Variants in PRC1 observed in about 807,000 individuals in gnomAD.
PRC1 encodes the protein protein regulator of cytokinesis 1, also known as anaphase spindle elongation 1 homolog.
PRC1 carries 54 observed loss-of-function variants against 91.2 expected under a neutral mutation model. The ratio of observed to expected loss-of-function variants is 0.59; its 90% CI spans 0.48 to 0.74. PRC1 has a LOEUF of 0.74. PRC1 is among the 30% of genes least tolerant of loss of function. PRC1 has a pLI of 0.00. For missense variants in PRC1, 727 were observed against 746.2 expected (o/e 0.97, Z 0.30); for synonymous variants, 275 against 263.6 (o/e 1.04, Z -0.42).
chr15:90,988,000 A>C (rs2039706878), intron 1 of PRC1: 1 of 152,154 alleles, frequency 6.6e-6, no homozygotes, highest in Non-Finnish European at 1.5e-5. Context: ...AATACTGACA[A>C]ACGTTTAAAA....
intron 8 of PRC1, chr15:90,977,211 T>C (rs2038798088): frequency 6.5e-6 from 1 of 153,370 alleles, no homozygotes; most frequent in South Asian, 2.0e-4. Context: ...TACTGTCTTC[T>C]TTCTAGTCAA....
chr15:90,992,104 A>G (rs2040014608), intron 1 of PRC1, among the ~76,000 whole-genome samples: 1 of 152,216 alleles, frequency 6.6e-6, no homozygotes, highest in Admixed American at 6.5e-5. Flanking sequence ...CCCATGCTGC[A>G]TGGCTTCACC....
chr15:90,989,190 A>G (rs1332166230), intron 1 of PRC1, among the ~76,000 whole-genome samples: 1 of 152,156 alleles, frequency 6.6e-6, no homozygotes. Context: ...ACCCTCAGAC[A>G]CTGCTTGTGG....
rs1179268741 is a variant in PRC1, at chr15:90,971,581, C to CGA, written c.1462-1068_1462-1067insTC. ...ACAGGCTTGAGCCACTGTACCCAGC[C>CGA]AACACTTTTTTTTTTTTTTTTTAAT... On this transcript the variant is annotated intron_variant, in intron 11 of 14. Transcript: ENST00000394249. Among the ~76,000 whole-genome samples the CGA allele has an allele frequency of 4.4e-5, 6 of 136,226 alleles. No homozygotes were observed. The South Asian group carries it at 1.5e-3, about 35-fold the overall frequency. The allele number at this position is 136,226 out of a possible 152,430, so 89.4% of individuals were successfully genotyped here.
Position 90,989,412 on chromosome 15 carries a change from ATTT to A in PRC1, c.12-4590_12-4588del, listed in dbSNP as rs58512103. On this transcript the variant is annotated intron_variant, in intron 1 of 14. Transcript: ENST00000394249. ...ATAGACGTGCCATCGTGCTTGGCTA[ATTT>A]TTTTTTTTTTTTTTTTTTTTAAGGT... Among the ~76,000 whole-genome samples the A allele has an allele frequency of 3.9e-3, 462 of 118,456 alleles. 4 individuals are homozygous for A. The highest frequency in any genetic ancestry group is 0.014 in the African/African-American group (440 of 31,516). 77.7% of individuals were successfully genotyped at this position (118,456 alleles called of 152,430 possible). A position where few individuals can be genotyped will look rare whatever the true frequency, so the allele number is the denominator to read the frequency against.
chr15:90,976,698 T>A lies in PRC1; in HGVS notation c.1181A>T (p.Lys394Met). 6.2e-7 allele frequency: 1 copy of A among 1,613,300 alleles called. No individual in the cohort carries two copies. Among genetic ancestry groups the A allele is most frequent in the Non-Finnish European group, 8.5e-7 (1 of 1,179,262 alleles). Residue 394 changes from lysine to methionine, a missense_variant, in exon 9 of 15, where the codon AAG becomes ATG. Coordinates refer to ENST00000394249, the MANE Select transcript of PRC1 (RefSeq NM_003981.4). ...TACCTTGGGCAGCATTTTCTGGAGC[T>A]TGGCTCGTTGTTTTTCTTCTTTTAG... ...NLLKEEKQRA[K>M]LQKMLPKLEE...
At position 90,981,156 on chromosome 15, in the gene PRC1, CAT is replaced by C. The variant is rs368462148; in HGVS notation, c.673-125_673-124del. 1.2e-4 allele frequency: 145 copies of C among 1,249,160 alleles called. 1 individual carries two copies. The East Asian group carries it at 2.8e-3, about 24-fold the overall frequency. The allele number at this position is 1,249,160 out of a possible 1,614,324, so 77.4% of individuals were successfully genotyped here. A position where few individuals can be genotyped will look rare whatever the true frequency, so the allele number is the denominator to read the frequency against. On this transcript the variant is annotated intron_variant, in intron 5 of 14. Transcript: ENST00000394249. The stretch of plus-strand genomic sequence containing the variant: ...GCACTTTCATGAGAGTTCAAAGTAG[CAT>C]GTTTTCATGCCTCCTAAACACGAGC...
chr15:90,978,371 C>G (rs16945114), intron 8 of PRC1, among the ~76,000 whole-genome samples: 2,182 of 152,254 alleles, frequency 0.014, 59 homozygotes, highest in African/African-American at 0.05. Context: ...GCATGTGAGC[C>G]ACGGTGCTGT....
At chr15:90,989,592 T>C (rs918331374) in intron 1 of PRC1, among the ~76,000 whole-genome samples, 1 of 151,332 alleles carries the variant, frequency 6.6e-6, no homozygotes, top group Non-Finnish European at 1.5e-5. Flanking sequence ...TATTACTGGG[T>C]ATTTGCCCAA....
rs926433928 is a variant in PRC1 at position 90,974,923 on chromosome 15, A to C, written c.1204-192T>G. On this transcript the variant is annotated intron_variant, in intron 9 of 14. Transcript: ENST00000394249. This position sits in a 1 kb window ranked among gnomAD's most constrained non-coding sequence, Gnocchi z 4.6. Reference sequence around the variant, plus strand: ...CGGAGACATTTCATTCACACAACACACAAGAGTGGAAAATGGCAAGAACCC... The same window carrying C: ...CGGAGACATTTCATTCACACAACACCCAAGAGTGGAAAATGGCAAGAACCC... Among the ~76,000 whole-genome samples, 1 of 152,188 alleles carries C rather than the reference A, an allele frequency of 6.6e-6. No individual in the cohort carries two copies. Among genetic ancestry groups the C allele is most frequent in the African/African-American group, 2.4e-5 (1 of 41,444 alleles).
intron 12 of PRC1, among the ~76,000 whole-genome samples, chr15:90,970,038 A>C (rs1596277076): frequency 6.6e-6 from 1 of 152,134 alleles, no homozygotes. Flanking sequence ...ATCTCTACTG[A>C]GTACCTGGCA....
chr15:90,994,068 G>C (rs1235561305), intron 1 of PRC1, among the ~76,000 whole-genome samples: 5 of 152,064 alleles, frequency 3.3e-5, no homozygotes, highest in African/African-American at 1.2e-4. Flanking sequence ...TGGGGTCCGA[G>C]CGCCAGCGCT....
chr15:90,967,026 A>C lies in PRC1; in HGVS notation c.*105T>G. Reference sequence around the variant, plus strand: ...AGGCCCATGGTCATGGAACCTGGCCAAGGTTTCAAGCACGCCTAAGCTGAA... The same window carrying C: ...AGGCCCATGGTCATGGAACCTGGCCCAGGTTTCAAGCACGCCTAAGCTGAA... On this transcript the variant is annotated 3_prime_UTR_variant, in exon 15 of 15. Transcript: ENST00000394249. The C allele has an allele frequency of 1.0e-6, 1 of 992,596 alleles. No homozygotes were observed. The highest frequency in any genetic ancestry group is 1.6e-6 in the Non-Finnish European group (1 of 637,220). 61.5% of individuals were successfully genotyped at this position (992,596 alleles called of 1,614,324 possible). A position where few individuals can be genotyped will look rare whatever the true frequency, so the allele number is the denominator to read the frequency against.
chr15:90,979,845 T>C (rs2039040467), intron 7 of PRC1, among the ~76,000 whole-genome samples: 1 of 152,214 alleles, frequency 6.6e-6, no homozygotes, highest in African/African-American at 2.4e-5. Flanking sequence ...ATTAAGGGTT[T>C]GACACTGCAC....
At position 90,974,541 on chromosome 15, in the gene PRC1, ACTTT is replaced by A. The variant is rs145020154; in HGVS notation, c.1350+40_1350+43del. The A allele has an allele frequency of 1.7e-3, 2,725 of 1,611,184 alleles. 45 individuals carry two copies. In the African/African-American group the frequency reaches 0.033, roughly 19 times the overall value. On this transcript the variant is annotated intron_variant, in intron 10 of 14. Coordinates refer to ENST00000394249, the MANE Select transcript of PRC1 (RefSeq NM_003981.4). This position sits in a 1 kb window ranked among gnomAD's most constrained non-coding sequence, Gnocchi z 4.6. ...GCAGAGACTATGGGCTGCTCAGATT[ACTTT>A]CTTCGTCTTTTCCCAATTTGCGTTC...
intron 1 of PRC1, among the ~76,000 whole-genome samples, chr15:90,993,441 A>G (rs1182746772): frequency 1.3e-5 from 2 of 152,198 alleles, no homozygotes; most frequent in Non-Finnish European, 2.9e-5. Context: ...TCTGAGGGCA[A>G]GCATTTTAAA....
At chr15:90,968,037 AAGAC>A (rs1317136948) in intron 14 of PRC1, 11 of 985,106 alleles carry the variant, frequency 1.1e-5, no homozygotes, top group East Asian at 1.1e-4. Context: ...GCTATTGAGA[AAGAC>A]AGATATTAGC....
chr15:90,982,360 TC>T (rs1248588868), intron 3 of PRC1, among the ~76,000 whole-genome samples: 4 of 152,246 alleles, frequency 2.6e-5, no homozygotes, highest in Admixed American at 2.6e-4. Flanking sequence ...AACAAATAAG[TC>T]CCCATTTTTT....
At chr15:90,988,457 A>G (rs2039737198) in intron 1 of PRC1, 1 of 152,220 alleles carries the variant, frequency 6.6e-6, no homozygotes, top group African/African-American at 2.4e-5. Context: ...CAAAGGCTCC[A>G]CTGCCCTCAG....
Sources: allele counts gnomAD v4.1 joint callset (sites outside exome capture counted in the v4.1 genomes callset), GRCh38; gene constraint gnomAD v4.1.1; non-coding constraint Gnocchi (gnomAD v3.1); transcripts MANE v1.5; gene names NCBI Gene and HGNC (gene_info 2026-07-23, HGNC 2026-07-21).